The following ADGRV1 variants were observed in gnomAD, a reference collection of about 807,000 sequenced individuals.
ADGRV1 encodes the protein adhesion G protein-coupled receptor V1, also known as G-protein coupled receptor 98.
A neutral mutation model predicts 596.2 loss-of-function variants in ADGRV1; 359 were observed. The ratio of observed to expected loss-of-function variants is 0.60; its 90% CI spans 0.55 to 0.66. ADGRV1 has a LOEUF of 0.66. ADGRV1 is among the 30% of genes least tolerant of loss of function. ADGRV1 has a pLI of 0.00. For synonymous variants in ADGRV1, 2,681 were observed against 2,679.2 expected, an observed-to-expected ratio of 1.00 and a Z score of -0.02; for missense variants, 7,274 against 7,575.6, an observed-to-expected ratio of 0.96 and a Z score of 1.48.
At chr5:90,847,558 G>A (rs1766021099) in intron 78 of ADGRV1, among the ~76,000 whole-genome samples, 1 of 152,320 alleles carries the variant, frequency 6.6e-6, no homozygotes, top group Middle Eastern at 3.4e-3. Context: ...TGGGTGCCCT[G>A]GAGCAGGGGG....
At chr5:90,998,459 T>C (rs1256345668) in intron 85 of ADGRV1, among the ~76,000 whole-genome samples, 1 of 152,190 alleles carries the variant, frequency 6.6e-6, no homozygotes, top group Non-Finnish European at 1.5e-5. Context: ...TATGTAATAC[T>C]CATTTTCTGT....
At chr5:90,744,884 A>C (rs1754429863) in intron 50 of ADGRV1, among the ~76,000 whole-genome samples, 162 bp from the exon 51 acceptor site, 1 of 152,184 alleles carries the variant, frequency 6.6e-6, no homozygotes, top group African/African-American at 2.4e-5. Context: ...AAAAATTATT[A>C]TTTACGTCCA....
intron 83 of ADGRV1, among the ~76,000 whole-genome samples, chr5:90,932,863 A>G (rs1775375731): frequency 6.6e-6 from 1 of 152,200 alleles, no homozygotes; most frequent in African/African-American, 2.4e-5. Flanking sequence ...GTAAAAACAC[A>G]CAGCAACAAG....
intron 82 of ADGRV1, 22 bp downstream of exon 82, chr5:90,855,923 T>G: frequency 6.4e-7 from 1 of 1,562,830 alleles, no homozygotes; most frequent in Non-Finnish European, 8.8e-7. Flanking sequence ...TATTTTTGAA[T>G]CAATGGTTAT....
chr5:90,855,895 A>G lies in ADGRV1; in HGVS notation c.17749A>G (p.Ile5917Val), dbSNP rs765290099. 6 of 1,609,102 alleles carry G rather than the reference A, an allele frequency of 3.7e-6. No homozygotes were observed. Among genetic ancestry groups the G allele is most frequent in the South Asian group, 2.2e-5 (2 of 90,318 alleles). ...EAFFTSGFIC[I>V]SGLCLAVLSH... The stretch of plus-strand genomic sequence containing the variant: ...CTTCTTCACTTCTGGATTTATATGT[A>G]TCTCAGGTCAGTGACAGTATTTTTG... The change falls in exon 82 of 90, where the codon ATC (isoleucine) becomes GTC (valine). Residue 5917 changes from isoleucine to valine, a missense_variant. Ile to Val is a conservative substitution (Grantham distance 29, BLOSUM62 3). This residue lies in a region of ADGRV1 where 1,874 missense variants were observed against 1,970.2 expected (regional missense o/e 0.95). Transcript: ENST00000405460.
chr5:90,560,934 T>C (rs1420266555), intron 1 of ADGRV1, among the ~76,000 whole-genome samples: 1 of 152,110 alleles, frequency 6.6e-6, no homozygotes, highest in Non-Finnish European at 1.5e-5. Flanking sequence ...AAGGTACTCA[T>C]GCTTGAGACA....
intron 83 of ADGRV1, among the ~76,000 whole-genome samples, chr5:90,913,148 G>A (rs545381036): frequency 1.3e-5 from 2 of 152,256 alleles, no homozygotes; most frequent in African/African-American, 4.8e-5. Flanking sequence ...GGAAAACTGA[G>A]CATTATAGAC....
At chr5:90,961,487 CAAAAAAAAA>C (rs34654014) in intron 83 of ADGRV1, among the ~76,000 whole-genome samples, 1 of 46,520 alleles carries the variant, frequency 2.1e-5, no homozygotes, top group Admixed American at 2.4e-4. Flanking sequence ...GACTCCGTCT[CAAAAAAAAA>C]AAAAAAAAAA....
At chr5:90,756,669 C>A in intron 56 of ADGRV1, 39 bp downstream of exon 56, 2 of 1,521,674 alleles carry the variant, frequency 1.3e-6, no homozygotes, top group Non-Finnish European at 1.8e-6. Flanking sequence ...CATACAGAGG[C>A]CTCTCCCTGC....
chr5:90,997,765 T>C (rs1313041828), intron 85 of ADGRV1, among the ~76,000 whole-genome samples: 4 of 152,192 alleles, frequency 2.6e-5, no homozygotes, highest in Admixed American at 1.3e-4. Flanking sequence ...TCTAGTTGTG[T>C]GACACTGAGC....
chr5:90,641,526 C>T (rs896052608), intron 11 of ADGRV1, among the ~76,000 whole-genome samples: 27 of 152,048 alleles, frequency 1.8e-4, no homozygotes, highest in African/African-American at 6.3e-4. Context: ...AAATGATGGA[C>T]AAATTTGGTA....
chr5:90,807,004 C>T (rs2150207719), intron 72 of ADGRV1, among the ~76,000 whole-genome samples: 1 of 152,170 alleles, frequency 6.6e-6, no homozygotes, highest in East Asian at 1.9e-4. Flanking sequence ...AGGCTCGCAC[C>T]ACCATGCCTG....
intron 87 of ADGRV1, among the ~76,000 whole-genome samples, chr5:91,114,707 T>C (rs2126713407): frequency 6.6e-6 from 1 of 152,328 alleles, no homozygotes; most frequent in South Asian, 2.1e-4. Flanking sequence ...TCCTTGTCTC[T>C]GAACTCCATT....
chr5:90,687,266 T>C (rs1176488390), intron 29 of ADGRV1, among the ~76,000 whole-genome samples: 1 of 152,220 alleles, frequency 6.6e-6, no homozygotes, highest in African/African-American at 2.4e-5. Flanking sequence ...TTTTGGTGTT[T>C]TAGACATGAA....
chr5:90,716,422 C>G, intron 42 of ADGRV1, 45 bp from the exon 43 acceptor site: 67 of 1,360,388 alleles, frequency 4.9e-5, no homozygotes, highest in Non-Finnish European at 6.0e-5. Flanking sequence ...GCATTTATAA[C>G]CTCTTCTATT....
At chr5:90,820,000 A>G (rs1763314899) in intron 75 of ADGRV1, among the ~76,000 whole-genome samples, 1 of 150,154 alleles carries the variant, frequency 6.7e-6, no homozygotes, top group Non-Finnish European at 1.5e-5. Flanking sequence ...TGATCTGTCT[A>G]ATGTTGACAG....
chr5:90,679,261 TA>T (rs147018677), intron 25 of ADGRV1, among the ~76,000 whole-genome samples: 2 of 152,100 alleles, frequency 1.3e-5, no homozygotes, highest in Non-Finnish European at 2.9e-5. Flanking sequence ...TACGTTGGTG[TA>T]AAAAAATGAA....
chr5:90,810,858 G>T lies in ADGRV1; in HGVS notation c.15598G>T (p.Ala5200Ser). The change falls in exon 74 of 90, where the codon GCT (alanine) becomes TCT (serine). Residue 5200 changes from alanine (A) to serine (S), a missense_variant. By Grantham distance (99) the Ala-to-Ser change is moderately conservative. This residue lies in a region of ADGRV1 where 1,874 missense variants were observed against 1,970.2 expected (regional missense o/e 0.95). Coordinates refer to ENST00000405460, the MANE Select transcript of ADGRV1 (RefSeq NM_032119.4). ...ACTTGTCACCCTTCATGGCACACCTGCTGTGTCTGAAAAGCCTGATGTGGC... is the reference window on the plus strand; with the variant it reads ...ACTTGTCACCCTTCATGGCACACCTTCTGTGTCTGAAAAGCCTGATGTGGC... ...EKLVTLHGTP[A>S]VSEKPDVATV... 1 of 1,614,016 alleles carries T rather than the reference G, an allele frequency of 6.2e-7. No homozygotes were observed. The highest frequency in any genetic ancestry group is 8.5e-7 in the Non-Finnish European group (1 of 1,179,890).
At chr5:90,625,471 AT>A (rs1396809204) in intron 6 of ADGRV1, 1 of 350,450 alleles carries the variant, frequency 2.9e-6, no homozygotes, top group Admixed American at 4.6e-5. Context: ...ATATTTAAGC[AT>A]TTTGTATACC....
Sources: allele counts gnomAD v4.1 joint callset (sites outside exome capture counted in the v4.1 genomes callset), GRCh38; gene constraint gnomAD v4.1.1; regional missense constraint gnomAD v4.1.1; transcripts MANE v1.5; gene names NCBI Gene and HGNC (gene_info 2026-07-23, HGNC 2026-07-21).